ETNK1: variants seen among roughly 807,000 people sequenced by gnomAD.
ETNK1 encodes the protein putative protein product of Nbla10396.
In ETNK1, 8 loss-of-function variants were observed where a neutral mutation model predicts 45.1. That is an observed-to-expected ratio of 0.18 (90% confidence interval 0.10 to 0.32). The LOEUF is 0.32. Among genes scored for constraint, ETNK1 ranks in the 10% least tolerant of loss-of-function variants. The pLI, the probability that ETNK1 is intolerant of heterozygous loss-of-function variation, is 1.00. For synonymous variants in ETNK1, 152 were observed against 151.9 expected (o/e 1.00, Z -0.01); for missense variants, 302 against 430.6 (o/e 0.70, Z 2.64).
At chr12:22,671,413 T>TC in intron 5 of ETNK1, 58 bp downstream of exon 5, 2 of 1,144,610 alleles carry the variant, frequency 1.7e-6, no homozygotes, top group Non-Finnish European at 2.6e-6. Flanking sequence ...AATATTTCAT[T>TC]CTTTTTTTAA....
At chr12:22,656,445 A>C (rs1953941869) in intron 2 of ETNK1, 5 of 985,466 alleles carry the variant, frequency 5.1e-6, no homozygotes, top group Non-Finnish European at 4.8e-6. Context: ...AGAAGAGCAG[A>C]AACGGCTTAG....
At chr12:22,640,154 GTGATGAGGT>G (rs1450639333) in intron 1 of ETNK1, among the ~76,000 whole-genome samples, 3 of 152,124 alleles carry the variant, frequency 2.0e-5, no homozygotes, top group African/African-American at 7.2e-5. Flanking sequence ...TAAAAATTAT[GTGATGAGGT>G]AAGGCAGAGA....
At chr12:22,677,104 T>C (rs1954170185) in intron 6 of ETNK1, among the ~76,000 whole-genome samples, 1 of 152,194 alleles carries the variant, frequency 6.6e-6, no homozygotes, top group African/African-American at 2.4e-5. Flanking sequence ...TCCTGAATGG[T>C]ATTGCCTAGG....
chr12:22,631,053 T>TAC (rs1215169755), intron 1 of ETNK1, among the ~76,000 whole-genome samples: 2 of 152,214 alleles, frequency 1.3e-5, no homozygotes, highest in African/African-American at 2.4e-5. Context: ...GTGGTTACCA[T>TAC]ACATTAATAG....
chr12:22,627,633 T>G (rs1953521165), intron 1 of ETNK1, among the ~76,000 whole-genome samples: 1 of 152,152 alleles, frequency 6.6e-6, no homozygotes, highest in Admixed American at 6.5e-5. Context: ...GAGATTTTAC[T>G]GTATTTCCCT....
At chr12:22,640,694 G>A (rs11046511) in intron 1 of ETNK1, among the ~76,000 whole-genome samples, 7,949 of 152,080 alleles carry the variant, frequency 0.052, 663 homozygotes, top group African/African-American at 0.18. Context: ...CAAGAAGTAG[G>A]TTCTAATGTA....
chr12:22,675,091 C>T (rs992607238), intron 6 of ETNK1, among the ~76,000 whole-genome samples: 1 of 152,108 alleles, frequency 6.6e-6, no homozygotes, highest in African/African-American at 2.4e-5. Context: ...TATTTTGAGA[C>T]AGTCTTTGCT....
intron 6 of ETNK1, among the ~76,000 whole-genome samples, chr12:22,677,679 T>A (rs1954174866): frequency 6.6e-6 from 1 of 152,204 alleles, no homozygotes; most frequent in African/African-American, 2.4e-5. Context: ...GTCCTCTTAT[T>A]TCCTTGATCA....
chr12:22,663,973 A>G (rs1415239654), intron 4 of ETNK1, among the ~76,000 whole-genome samples: 1 of 151,964 alleles, frequency 6.6e-6, no homozygotes, highest in Non-Finnish European at 1.5e-5. Context: ...GCATTAAGAA[A>G]TATGGTTAGA....
At chr12:22,625,813 G>C (rs934716595) in intron 1 of ETNK1, 7 of 740,562 alleles carry the variant, frequency 9.5e-6, no homozygotes, top group Admixed American at 4.0e-5. Flanking sequence ...TCTCTTTCTA[G>C]AAGCCGCTGC....
chr12:22,658,913 G>A (rs1953971450), intron 2 of ETNK1, 101 bp from the exon 3 acceptor site: 2 of 1,241,246 alleles, frequency 1.6e-6, no homozygotes, highest in African/African-American at 1.5e-5. Flanking sequence ...TCTACAAGAA[G>A]ATTCGGGAGA....
rs3983448 is a variant in ETNK1, at chr12:22,686,851, A to ATTTTTTTTTTTTTTT, written c.*1911_*1925dup. 1 of 69,262 alleles carries ATTTTTTTTTTTTTTT rather than the reference A, an allele frequency of 1.4e-5. No homozygotes were observed. Among genetic ancestry groups the ATTTTTTTTTTTTTTT allele is most frequent in the Non-Finnish European group, 2.8e-5 (1 of 36,074 alleles). 4.3% of individuals were successfully genotyped at this position (69,262 alleles called of 1,614,324 possible). ...AGATAAAGAATGTGTAATACTCTTAATTTTTTTTTTTTTTTTTTTTTTTTT... is the reference window on the plus strand; with the variant it reads ...AGATAAAGAATGTGTAATACTCTTAATTTTTTTTTTTTTTTTTTTTTTTTTTTTTTTTTTTTTTTT... On this transcript the variant is annotated 3_prime_UTR_variant, in exon 8 of 8. Transcript: ENST00000266517.
intron 3 of ETNK1, 53 bp from the exon 4 acceptor site, chr12:22,661,010 C>T (rs1953993522): frequency 2.0e-6 from 3 of 1,522,050 alleles, no homozygotes; most frequent in Admixed American, 4.2e-5. Flanking sequence ...AATCCTTAAT[C>T]AAACTTGAAA....
At chr12:22,650,077 T>C (rs975650407) in intron 2 of ETNK1, among the ~76,000 whole-genome samples, 1 of 152,060 alleles carries the variant, frequency 6.6e-6, no homozygotes, top group African/African-American at 2.4e-5. Context: ...AAGGAGTGCA[T>C]TTTATTTTCA....
At chr12:22,673,469 ATTT>A (rs767060917) in intron 5 of ETNK1, 28 bp from the exon 6 acceptor site, 47 of 1,528,846 alleles carry the variant, frequency 3.1e-5, no homozygotes, top group African/African-American at 4.1e-5. Context: ...ATGTTTTAAA[ATTT>A]TTGAGTGTAG....
intron 1 of ETNK1, 77 bp downstream of exon 1, chr12:22,625,663 T>C (rs1347559675): frequency 1.7e-5 from 26 of 1,515,640 alleles, no homozygotes; most frequent in African/African-American, 2.7e-5. Flanking sequence ...ATCGCCTCTG[T>C]CCCACGATGA....
intron 1 of ETNK1, 28 bp from the exon 2 acceptor site, chr12:22,643,735 T>C (rs778018826): frequency 1.2e-5 from 19 of 1,566,358 alleles, no homozygotes; most frequent in African/African-American, 5.5e-5. Flanking sequence ...TTGCTTTTTT[T>C]CCCATTTTTA....
rs1450901809 is a variant in ETNK1, at chr12:22,685,630, A to G, written c.*676A>G. 1 of 151,880 alleles carries G rather than the reference A, an allele frequency of 6.6e-6. No individual in the cohort carries two copies. Among genetic ancestry groups the G allele is most frequent in the Non-Finnish European group, 1.5e-5 (1 of 67,790 alleles). The allele number at this position is 151,880 out of a possible 1,614,324, so 9.4% of individuals were successfully genotyped here. ...CTCTATGTAGTCTGGCAGTATAAAT[A>G]TAAATATTTACCATATAATCTTGGA... On this transcript the variant is annotated 3_prime_UTR_variant, in exon 8 of 8. Coordinates refer to ENST00000266517, the MANE Select transcript of ETNK1 (RefSeq NM_018638.5).
At chr12:22,642,342 TTA>T (rs1953750175) in intron 1 of ETNK1, among the ~76,000 whole-genome samples, 1 of 152,074 alleles carries the variant, frequency 6.6e-6, no homozygotes, top group African/African-American at 2.4e-5. Flanking sequence ...AAAATTATGA[TTA>T]TGATAAAAAA....
Sources: gnomAD v4.1 joint callset for allele counts (sites outside exome capture counted in the v4.1 genomes callset) on GRCh38, gnomAD v4.1.1 for gene constraint, MANE v1.5 for transcripts, NCBI Gene and HGNC (gene_info 2026-07-23, HGNC 2026-07-21) for gene names.